The following ARHGAP6 variants were observed in gnomAD, a reference collection of about 807,000 sequenced individuals.
ARHGAP6 encodes Rho GTPase activating protein 6.
A neutral mutation model predicts 55.7 loss-of-function variants in ARHGAP6; 16 were observed. That is an observed-to-expected ratio of 0.29 (90% CI 0.19 to 0.44). The LOEUF is 0.44. Ranked by LOEUF, ARHGAP6 falls within the 20% of genes least tolerant of loss-of-function variation. The pLI, the probability that ARHGAP6 is intolerant of heterozygous loss-of-function variation, is 1.00. For missense variants in ARHGAP6, 698 were observed against 808.9 expected, an observed-to-expected ratio of 0.86 and a Z score of 1.66; for synonymous variants, 382 against 360.9, an observed-to-expected ratio of 1.06 and a Z score of -0.66.
intron 1 of ARHGAP6, among the ~76,000 whole-genome samples, chrX:11,421,200 G>A (rs912721863): frequency 4.5e-5 from 5 of 112,043 alleles, no homozygotes; most frequent in Non-Finnish European, 9.4e-5. Flanking sequence ...AAGAAACTAC[G>A]AATAATGTAT....
At chrX:11,274,398 G>T (rs1310657741) in intron 1 of ARHGAP6, among the ~76,000 whole-genome samples, 1 of 111,128 alleles carries the variant, frequency 9.0e-6, no homozygotes, top group African/African-American at 3.3e-5. Flanking sequence ...CTGCTTTTCC[G>T]ATACAACAGC....
intron 1 of ARHGAP6, among the ~76,000 whole-genome samples, chrX:11,458,907 G>A (rs1309448345): frequency 9.0e-6 from 1 of 110,944 alleles, no homozygotes; most frequent in Non-Finnish European, 1.9e-5. Context: ...ACTATAGCAG[G>A]GTAGGGAAAC....
intron 1 of ARHGAP6, among the ~76,000 whole-genome samples, chrX:11,575,179 T>C (rs1045017666): frequency 6.3e-5 from 7 of 111,396 alleles, no homozygotes; most frequent in African/African-American, 6.5e-5. Flanking sequence ...GTCAGGCTCA[T>C]GGGATCTGCC....
intron 7 of ARHGAP6, among the ~76,000 whole-genome samples, chrX:11,178,482 G>GT (rs1468128351): frequency 3.1e-5 from 3 of 97,111 alleles, no homozygotes; most frequent in Non-Finnish European, 6.4e-5. Flanking sequence ...TGTAATCCAG[G>GT]TAAAAAAAAA....
intron 1 of ARHGAP6, among the ~76,000 whole-genome samples, chrX:11,309,561 T>A (rs144513879): frequency 0.011 from 1,164 of 110,242 alleles, 11 homozygotes; most frequent in African/African-American, 0.037. Context: ...GGAAGAAAAG[T>A]GTAAAAGTTA....
rs1173046255 is a variant in ARHGAP6 at position 11,167,184 on chromosome X, A to G, written c.1809+2321T>C. 2.7e-5 allele frequency among the ~76,000 whole-genome samples: 3 copies of G among 112,068 alleles called. No individual in the cohort carries two copies. In the Admixed American group the frequency reaches 2.9e-4, roughly 11 times the overall value. On this transcript the variant is annotated intron_variant, in intron 9 of 12. Coordinates refer to ENST00000337414, the MANE Select transcript of ARHGAP6 (RefSeq NM_013427.3). ...ACAGGGGTAATGCAGTAAAGAAAGT[A>G]CTATAGATAGAAATGGACCAAAAAA...
At chrX:11,351,725 G>A in intron 1 of ARHGAP6, 1 of 250,537 alleles carries the variant, frequency 4.0e-6, no homozygotes, top group South Asian at 1.9e-4. Flanking sequence ...CTTCCCACTT[G>A]GAAGCCAACT....
intron 1 of ARHGAP6, among the ~76,000 whole-genome samples, chrX:11,351,107 C>T (rs893417686): frequency 9.2e-6 from 1 of 108,600 alleles, no homozygotes; most frequent in African/African-American, 3.4e-5. Flanking sequence ...CACAGTGCAC[C>T]ACCCACTTCT....
intron 1 of ARHGAP6, among the ~76,000 whole-genome samples, chrX:11,396,172 C>T (rs2049475269): frequency 9.0e-6 from 1 of 110,611 alleles, no homozygotes; most frequent in South Asian, 3.9e-4. Context: ...CATTTCAAAT[C>T]ACCATAGGCT....
At position 11,554,190 on chromosome X, in the gene ARHGAP6, G is replaced by A. The variant is rs1004521836; in HGVS notation, c.588+110051C>T. ...CATAGTGTTAAGTGAAATATGCCAC[G>A]CACGGAAAGAGAAATACCACATGTT... On this transcript the variant is annotated intron_variant, in intron 1 of 12. Coordinates refer to ENST00000337414, the MANE Select transcript of ARHGAP6 (RefSeq NM_013427.3). 3.5e-4 allele frequency among the ~76,000 whole-genome samples: 39 copies of A among 111,761 alleles called. 1 individual carries two copies. The highest frequency in any genetic ancestry group is 4.5e-4 in the Non-Finnish European group (24 of 53,113).
intron 1 of ARHGAP6, among the ~76,000 whole-genome samples, chrX:11,257,818 C>G (rs764465923): frequency 8.9e-6 from 1 of 111,877 alleles, no homozygotes; most frequent in East Asian, 2.8e-4. Flanking sequence ...GCTTTGTTAT[C>G]TATCTGGAGG....
chrX:11,198,109 C>T (rs1487270214), intron 2 of ARHGAP6, among the ~76,000 whole-genome samples: 2 of 111,681 alleles, frequency 1.8e-5, no homozygotes, highest in African/African-American at 6.5e-5. Context: ...AATGAGCATT[C>T]CTGGTATCCT....
At chrX:11,622,614 T>G (rs1356464136) in intron 1 of ARHGAP6, among the ~76,000 whole-genome samples, 3 of 111,296 alleles carry the variant, frequency 2.7e-5, no homozygotes, top group Non-Finnish European at 5.7e-5. Flanking sequence ...ACTGATTACT[T>G]TAACTGCTTA....
At chrX:11,551,073 TGGA>T (rs890196587) in intron 1 of ARHGAP6, among the ~76,000 whole-genome samples, 1 of 111,502 alleles carries the variant, frequency 9.0e-6, no homozygotes, top group Non-Finnish European at 1.9e-5. Context: ...ATTCGGGAAC[TGGA>T]GGAGTGGTTA....
intron 2 of ARHGAP6, among the ~76,000 whole-genome samples, chrX:11,251,487 A>G: frequency 8.9e-6 from 1 of 111,808 alleles, no homozygotes; most frequent in Non-Finnish European, 1.9e-5. Flanking sequence ...TTATAATAGC[A>G]TTCATTTGAA....
chrX:11,544,988 T>C (rs1341158607), intron 1 of ARHGAP6, among the ~76,000 whole-genome samples: 3 of 112,467 alleles, frequency 2.7e-5, no homozygotes, highest in Admixed American at 1.9e-4. Context: ...TTCATAATTA[T>C]GTTTAACGTT....
chrX:11,342,123 A>C (rs2048714651), intron 1 of ARHGAP6, among the ~76,000 whole-genome samples: 1 of 112,270 alleles, frequency 8.9e-6, no homozygotes, highest in Admixed American at 9.5e-5. Flanking sequence ...CCATGCACGC[A>C]TAAGTAATGC....
chrX:11,620,221 C>T (rs891142246), intron 1 of ARHGAP6, among the ~76,000 whole-genome samples: 3 of 111,784 alleles, frequency 2.7e-5, no homozygotes, highest in African/African-American at 9.8e-5. Context: ...ATAATCAAGT[C>T]AGGGCATAAG....
At chrX:11,365,920 T>C (rs192004735) in intron 1 of ARHGAP6, among the ~76,000 whole-genome samples, 1 of 112,379 alleles carries the variant, frequency 8.9e-6, no homozygotes, top group Non-Finnish European at 1.9e-5. Flanking sequence ...GAGATCATGG[T>C]GCCAGCAGAG....
Sources: gnomAD v4.1 joint callset for allele counts (sites outside exome capture counted in the v4.1 genomes callset) on GRCh38, gnomAD v4.1.1 for gene constraint, MANE v1.5 for transcripts, NCBI Gene and HGNC (gene_info 2026-07-23, HGNC 2026-07-21) for gene names.